The following CDH12 variants were observed in gnomAD, a reference collection of about 807,000 sequenced individuals.
CDH12 encodes cadherin-12.
A neutral mutation model predicts 74.1 loss-of-function variants in CDH12; 41 were observed. That is an observed-to-expected ratio of 0.55 (90% CI 0.43 to 0.72). The LOEUF is 0.72. Among genes scored for constraint, CDH12 ranks in the 30% least tolerant of loss-of-function variants. The pLI is 0.00. For missense variants in CDH12, 945 were observed against 977.2 expected (o/e 0.97, Z 0.44); for synonymous variants, 399 against 355.0 (o/e 1.12, Z -1.39).
intron 1 of CDH12, among the ~76,000 whole-genome samples, chr5:22,694,178 A>G (rs1346184938): frequency 6.6e-6 from 1 of 152,180 alleles, no homozygotes; most frequent in African/African-American, 2.4e-5. Context: ...ATATAAAACA[A>G]TAATATGATA....
intron 1 of CDH12, among the ~76,000 whole-genome samples, chr5:22,685,111 CTTTA>C (rs1741693139): frequency 6.6e-6 from 1 of 152,100 alleles, no homozygotes; most frequent in African/African-American, 2.4e-5. Flanking sequence ...TTTTTAGTAG[CTTTA>C]TTAAGATACA....
At chr5:22,411,894 T>A (rs1743185351) in intron 2 of CDH12, among the ~76,000 whole-genome samples, 1 of 152,044 alleles carries the variant, frequency 6.6e-6, no homozygotes, top group South Asian at 2.1e-4. Context: ...TTTGATTAAC[T>A]GGATAAAGAT....
rs1747605979 is a variant in CDH12, at chr5:22,786,035, T to C, written c.-523+67023A>G. 2.0e-5 allele frequency among the ~76,000 whole-genome samples: 3 copies of C among 152,212 alleles called. No homozygotes were observed. The South Asian group carries it at 6.2e-4, about 32-fold the overall frequency. On this transcript the variant is annotated intron_variant, in intron 1 of 14. Transcript: ENST00000382254. ...CACATGTATGTTCATTGGAGCATTA[T>C]TCACAATAGCAAAGACAAAGACTCA...
chr5:22,277,019 G>A (rs1198066665), intron 3 of CDH12, among the ~76,000 whole-genome samples: 4 of 152,194 alleles, frequency 2.6e-5, no homozygotes, highest in African/African-American at 7.2e-5. Context: ...GCTAAGTGAT[G>A]CAGCCAGAAT....
chr5:22,717,518 G>A (rs1233504503), intron 1 of CDH12, among the ~76,000 whole-genome samples: 1 of 152,078 alleles, frequency 6.6e-6, no homozygotes, highest in Non-Finnish European at 1.5e-5. Flanking sequence ...TTAAGTGATG[G>A]CATATCTGTA....
At chr5:21,848,270 G>A (rs899750842) in intron 7 of CDH12, among the ~76,000 whole-genome samples, 5 of 151,982 alleles carry the variant, frequency 3.3e-5, no homozygotes, top group South Asian at 2.1e-4. Flanking sequence ...TGTGAACCAA[G>A]TCATTGTTAA....
At chr5:22,447,625 A>T (rs1303229418) in intron 2 of CDH12, among the ~76,000 whole-genome samples, 1 of 152,074 alleles carries the variant, frequency 6.6e-6, no homozygotes, top group Non-Finnish European at 1.5e-5. Context: ...TTGATCTTAA[A>T]CTATTTTTTA....
intron 3 of CDH12, among the ~76,000 whole-genome samples, chr5:22,371,880 C>A (rs1363522409): frequency 2.0e-5 from 3 of 152,082 alleles, no homozygotes; most frequent in African/African-American, 7.2e-5. Flanking sequence ...CATGAAAGAA[C>A]CTTGTGGGAG....
chr5:22,476,580 C>G (rs987385652), intron 2 of CDH12, among the ~76,000 whole-genome samples: 1 of 152,024 alleles, frequency 6.6e-6, no homozygotes, highest in Non-Finnish European at 1.5e-5. Context: ...TTGCTGCTGA[C>G]TACATAGTAT....
At chr5:22,428,153 G>A (rs985986698) in intron 2 of CDH12, among the ~76,000 whole-genome samples, 1 of 151,560 alleles carries the variant, frequency 6.6e-6, no homozygotes, top group Non-Finnish European at 1.5e-5. Flanking sequence ...AAACTCCATA[G>A]ATAGATATAT....
intron 3 of CDH12, among the ~76,000 whole-genome samples, chr5:22,300,994 T>C (rs1369248947): frequency 6.6e-6 from 1 of 152,174 alleles, no homozygotes; most frequent in Admixed American, 6.6e-5. Flanking sequence ...AATAAGAGTA[T>C]TTTTGACATT....
intron 2 of CDH12, among the ~76,000 whole-genome samples, chr5:22,501,755 A>G (rs1239852923): frequency 1.3e-5 from 2 of 151,658 alleles, no homozygotes; most frequent in Non-Finnish European, 2.9e-5. Flanking sequence ...TTAAAAAAAA[A>G]AAAAAACAGA....
intron 3 of CDH12, among the ~76,000 whole-genome samples, chr5:22,356,473 T>G (rs1332711598): frequency 6.6e-6 from 1 of 152,158 alleles, no homozygotes; most frequent in Non-Finnish European, 1.5e-5. Context: ...TACAATATGC[T>G]TAATCCTCCT....
chr5:21,994,716 G>A (rs767790814), intron 5 of CDH12, among the ~76,000 whole-genome samples: 1 of 152,086 alleles, frequency 6.6e-6, no homozygotes, highest in Admixed American at 6.5e-5. Flanking sequence ...AAGCCGGCTG[G>A]GCTTCTGGTC....
chr5:22,105,299 T>A (rs528529016), intron 4 of CDH12, among the ~76,000 whole-genome samples: 12 of 151,622 alleles, frequency 7.9e-5, no homozygotes, highest in Admixed American at 6.6e-5. Context: ...TTCACCATGT[T>A]GGCCAGGATG....
chr5:22,401,794 A>T (rs751063001), intron 3 of CDH12, among the ~76,000 whole-genome samples: 1 of 152,156 alleles, frequency 6.6e-6, no homozygotes, highest in Non-Finnish European at 1.5e-5. Context: ...AACATCCAAT[A>T]AGAGTATCTT....
At chr5:22,417,139 AC>A (rs1307703813) in intron 2 of CDH12, among the ~76,000 whole-genome samples, 2 of 152,244 alleles carry the variant, frequency 1.3e-5, no homozygotes, top group African/African-American at 4.8e-5. Context: ...ACAATAATAA[AC>A]CTACTAACTG....
In CDH12 at chr5:21,755,718, A is replaced by G. The variant is rs754687936; in HGVS notation, c.1758T>C (p.Thr586=). The stretch of plus-strand genomic sequence containing the variant: ...CAGAGTCACATCTACAGACTCGAAT[A>G]GTCATTGTGTTTGTGCTGCTCTGGA... ...YPVQSSTNTM[T]IRVCRCDSDG... The change falls in exon 14 of 15, where the codon ACT becomes ACC. Residue 586 remains threonine, a synonymous_variant. Coordinates refer to ENST00000382254, the MANE Select transcript of CDH12 (RefSeq NM_004061.5). The G allele has an allele frequency of 2.2e-5, 36 of 1,614,168 alleles. No individual in the cohort carries two copies. Among genetic ancestry groups the G allele is most frequent in the Non-Finnish European group, 3.0e-5 (35 of 1,180,024 alleles).
At chr5:22,466,882 G>A (rs1745754209) in intron 2 of CDH12, among the ~76,000 whole-genome samples, 1 of 132,304 alleles carries the variant, frequency 7.6e-6, no homozygotes, top group Non-Finnish European at 1.5e-5. Flanking sequence ...TCTGCCTCCC[G>A]GGTTCAAGCA....
Sources: allele counts gnomAD v4.1 joint callset (sites outside exome capture counted in the v4.1 genomes callset), GRCh38; gene constraint gnomAD v4.1.1; transcripts MANE v1.5; gene names NCBI Gene and HGNC (gene_info 2026-07-23, HGNC 2026-07-21).